RIMBP2: variants seen among roughly 807,000 people sequenced by gnomAD.
RIMBP2 encodes the protein RIMS-binding protein 2.
RIMBP2 carries 48 observed loss-of-function variants against 118.6 expected under a neutral mutation model. That is an observed-to-expected ratio of 0.40 (90% confidence interval 0.32 to 0.51). RIMBP2 has a LOEUF of 0.51. Ranked by LOEUF, RIMBP2 falls within the 20% of genes least tolerant of loss-of-function variation. RIMBP2 has a pLI of 0.41. For missense variants in RIMBP2, 1,551 were observed against 1,768.3 expected, an observed-to-expected ratio of 0.88 and a Z score of 2.20; for synonymous variants, 762 against 742.9, an observed-to-expected ratio of 1.03 and a Z score of -0.42.
chr12:130,671,072 C>A (rs1041879992), intron 1 of RIMBP2, among the ~76,000 whole-genome samples: 1 of 152,174 alleles, frequency 6.6e-6, no homozygotes, highest in Non-Finnish European at 1.5e-5. Flanking sequence ...AAGGCTTCTG[C>A]TTTTCTGATA....
chr12:130,444,937 G>C (rs185403167), intron 10 of RIMBP2, among the ~76,000 whole-genome samples: 59 of 152,360 alleles, frequency 3.9e-4, no homozygotes, highest in African/African-American at 1.3e-3. Flanking sequence ...CCATGTGTCA[G>C]AGGTCAGCTT....
chr12:130,708,911 G>A (rs897348415), intron 1 of RIMBP2, among the ~76,000 whole-genome samples: 1 of 152,154 alleles, frequency 6.6e-6, no homozygotes, highest in East Asian at 1.9e-4. Flanking sequence ...CAGGCAGCCC[G>A]GGTTTGAAAC....
chr12:130,439,451 G>A (rs2077858815), intron 11 of RIMBP2, among the ~76,000 whole-genome samples: 2 of 128,152 alleles, frequency 1.6e-5, no homozygotes, highest in Non-Finnish European at 3.4e-5. Context: ...GTGGGTGTGG[G>A]TGTGTGGGTG....
chr12:130,615,293 ATATG>A (rs778903721), intron 2 of RIMBP2, among the ~76,000 whole-genome samples: 2,056 of 129,512 alleles, frequency 0.016, 133 homozygotes, highest in African/African-American at 0.049. Flanking sequence ...ATATATATAT[ATATG>A]TGTACACACA....
intron 2 of RIMBP2, among the ~76,000 whole-genome samples, chr12:130,584,113 A>G (rs1036084905): frequency 6.9e-6 from 1 of 144,456 alleles, no homozygotes; most frequent in Non-Finnish European, 1.5e-5. Flanking sequence ...TTACATCACC[A>G]CTATCATTAC....
At chr12:130,546,941 C>T (rs1440755483) in intron 2 of RIMBP2, among the ~76,000 whole-genome samples, 1 of 152,120 alleles carries the variant, frequency 6.6e-6, no homozygotes, top group Non-Finnish European at 1.5e-5. Context: ...GAGATGACTC[C>T]TCCACTGACC....
chr12:130,476,524 C>A (rs1287803980), intron 5 of RIMBP2, among the ~76,000 whole-genome samples: 1 of 152,206 alleles, frequency 6.6e-6, no homozygotes. Flanking sequence ...CCTGTTCCCT[C>A]CCTGGCTGCA....
intron 2 of RIMBP2, among the ~76,000 whole-genome samples, chr12:130,570,004 A>G (rs928963625): frequency 3.3e-5 from 5 of 152,204 alleles, no homozygotes; most frequent in African/African-American, 1.2e-4. Flanking sequence ...CTTTATGAGG[A>G]AGGAATGCCA....
Position 130,424,930 on chromosome 12 carries a change from G to T in RIMBP2, c.2413-72C>A. 1.1e-6 allele frequency: 1 copy of T among 941,460 alleles called. No homozygotes were observed. Among genetic ancestry groups the T allele is most frequent in the Non-Finnish European group, 1.4e-6 (1 of 722,792 alleles). 58.3% of individuals were successfully genotyped at this position (941,460 alleles called of 1,614,324 possible). On this transcript the variant is annotated intron_variant, in intron 15 of 22. Transcript: ENST00000690449. This position sits in a 1 kb window ranked among gnomAD's most constrained non-coding sequence, Gnocchi z 9.8. Reference sequence around the variant, plus strand: ...TCAGCATGAAGTGGGGGCCAGGGGAGGAAAGAAAATACAGACAGAATTAGT... The same window carrying T: ...TCAGCATGAAGTGGGGGCCAGGGGATGAAAGAAAATACAGACAGAATTAGT...
At chr12:130,501,669 C>T (rs553281390) in intron 4 of RIMBP2, among the ~76,000 whole-genome samples, 29 of 152,340 alleles carry the variant, frequency 1.9e-4, no homozygotes, top group Admixed American at 9.8e-4. Flanking sequence ...GGTTTAAATA[C>T]GACTTCGGAG....
chr12:130,666,096 T>C (rs1028629463), intron 1 of RIMBP2, among the ~76,000 whole-genome samples: 6 of 152,190 alleles, frequency 3.9e-5, no homozygotes, highest in African/African-American at 1.4e-4. Context: ...GTTCTATCTC[T>C]GCACATTTTT....
Position 130,564,553 on chromosome 12 carries a change from A to G in RIMBP2, c.-216-46636T>C, listed in dbSNP as rs189569556. Among the ~76,000 whole-genome samples the G allele has an allele frequency of 3.1e-3, 467 of 152,340 alleles. 8 individuals are homozygous for G. The highest frequency in any genetic ancestry group is 0.029 in the Admixed American group (442 of 15,300). ...AAAGGAAATAGGGTATATACATACA[A>G]TGGAATATTATTCAGCCTGAAAAAA... On this transcript the variant is annotated intron_variant, in intron 2 of 22. Transcript: ENST00000690449.
At chr12:130,672,484 C>A (rs1594181555) in intron 1 of RIMBP2, among the ~76,000 whole-genome samples, 1 of 152,200 alleles carries the variant, frequency 6.6e-6, no homozygotes, top group East Asian at 1.9e-4. Context: ...CTTCCAAATC[C>A]ACTTAGGACC....
intron 2 of RIMBP2, among the ~76,000 whole-genome samples, chr12:130,616,511 A>G (rs1315915273): frequency 6.6e-6 from 1 of 152,210 alleles, no homozygotes; most frequent in Admixed American, 6.5e-5. Context: ...TCTACAAGGC[A>G]GGATTATTTT....
At chr12:130,664,461 G>A (rs77314855) in intron 1 of RIMBP2, among the ~76,000 whole-genome samples, 2,135 of 42,424 alleles carry the variant, frequency 0.05, 149 homozygotes, top group East Asian at 0.21. Flanking sequence ...ACACATGCAC[G>A]CACACACACG....
chr12:130,485,542 G>A (rs1311734401), intron 4 of RIMBP2, among the ~76,000 whole-genome samples: 2 of 152,264 alleles, frequency 1.3e-5, no homozygotes, highest in Admixed American at 6.5e-5. Context: ...GGCCGATTGT[G>A]CAGCTGCTTA....
intron 2 of RIMBP2, among the ~76,000 whole-genome samples, chr12:130,586,536 C>T (rs1048300397): frequency 6.6e-6 from 1 of 151,954 alleles, no homozygotes; most frequent in African/African-American, 2.4e-5. Context: ...TATCTACAAC[C>T]ATCTGATCTT....
In RIMBP2 at chr12:130,533,963, C is replaced by T. The variant is rs1419198590; in HGVS notation, c.-216-16046G>A. 2.7e-5 allele frequency among the ~76,000 whole-genome samples: 4 copies of T among 150,468 alleles called. No homozygotes were observed. In the East Asian group the frequency reaches 6.0e-4, roughly 23 times the overall value. ...GGCAGATCACTTGAGGTTAGGAGTT[C>T]GAGACCAGCCTGGCCAACATGGTGA... On this transcript the variant is annotated intron_variant, in intron 2 of 22. Coordinates refer to ENST00000690449, the MANE Select transcript of RIMBP2 (RefSeq NM_001393629.1).
chr12:130,705,348 C>T (rs2066053084), intron 1 of RIMBP2, among the ~76,000 whole-genome samples: 1 of 152,212 alleles, frequency 6.6e-6, no homozygotes, highest in Non-Finnish European at 1.5e-5. Flanking sequence ...CACCACGCAA[C>T]AAAGACCGGG....
Sources: gnomAD v4.1 joint callset for allele counts (sites outside exome capture counted in the v4.1 genomes callset) on GRCh38, gnomAD v4.1.1 for gene constraint, Gnocchi (gnomAD v3.1) non-coding constraint, MANE v1.5 for transcripts, NCBI Gene and HGNC (gene_info 2026-07-23, HGNC 2026-07-21) for gene names.